SLC14A2: variants seen among roughly 807,000 people sequenced by gnomAD.
The protein encoded by SLC14A2 is solute carrier family 14 member 2.
In SLC14A2, 91 loss-of-function variants were observed where a neutral mutation model predicts 104.6. The observed-to-expected ratio is 0.87, with a 90% CI of 0.73 to 1.04. The LOEUF is 1.04. Among genes scored for constraint, SLC14A2 ranks in the 50% least tolerant of loss-of-function variants. SLC14A2 has a pLI of 0.00. For missense variants in SLC14A2, 1,189 were observed against 1,156.0 expected (o/e 1.03, Z -0.41); for synonymous variants, 476 against 466.4 (o/e 1.02, Z -0.27).
chr18:45,667,066 G>A lies in SLC14A2; in HGVS notation c.1689G>A (p.Glu563=), dbSNP rs144227422. Residue 563 remains glutamate, a synonymous_variant, in exon 13 of 20, where the codon GAG becomes GAA. Coordinates refer to ENST00000255226, the MANE Select transcript of SLC14A2 (RefSeq NM_007163.4). The stretch of plus-strand genomic sequence containing the variant: ...AAGCCCTCAGCTACATCACAGGAGA[G>A]ATGAAGGAGTGTGGAGAGGGACTTA... The part of the protein sequence containing the change: ...VSKALSYITG[E]MKECGEGLKD... 6.2e-7 allele frequency: 1 copy of A among 1,613,948 alleles called. No individual in the cohort carries two copies. Among genetic ancestry groups the A allele is most frequent in the Non-Finnish European group, 8.5e-7 (1 of 1,179,866 alleles).
intron 10 of SLC14A2, among the ~76,000 whole-genome samples, chr18:45,651,401 CGT>C (rs2045734151): frequency 6.6e-6 from 1 of 152,044 alleles, no homozygotes; most frequent in Non-Finnish European, 1.5e-5. Flanking sequence ...GAGCTGCAGC[CGT>C]GTGTGTCTGC....
intron 2 of SLC14A2, among the ~76,000 whole-genome samples, chr18:45,534,249 G>T (rs1340299168): frequency 6.6e-6 from 1 of 152,020 alleles, no homozygotes; most frequent in Non-Finnish European, 1.5e-5. Context: ...TTCCTTACAA[G>T]CCTTCACTGA....
intron 1 of SLC14A2, among the ~76,000 whole-genome samples, chr18:45,244,704 C>T (rs1051025675): frequency 6.6e-6 from 1 of 151,944 alleles, no homozygotes; most frequent in Admixed American, 6.6e-5. Context: ...TGAGGAAAGC[C>T]CAAATCAGCA....
intron 1 of SLC14A2, among the ~76,000 whole-genome samples, chr18:45,476,897 G>T (rs1333166166): frequency 5.3e-5 from 8 of 152,090 alleles, no homozygotes; most frequent in Admixed American, 6.6e-5. Context: ...TTTTTTCAAG[G>T]TTCTTGGCTT....
chr18:45,643,854 C>T (rs748107264), intron 9 of SLC14A2, 132 bp from the exon 10 acceptor site: 23 of 780,078 alleles, frequency 2.9e-5, no homozygotes, highest in Non-Finnish European at 4.6e-5. Context: ...ATTGCAAATC[C>T]AGGAATATCA....
In SLC14A2 at chr18:45,581,147, G is replaced by A. The variant is rs115260932; in HGVS notation, c.-34-43484G>A. Among the ~76,000 whole-genome samples, 691 of 152,278 alleles carry A rather than the reference G, an allele frequency of 4.5e-3. 11 individuals are homozygous for A. The highest frequency in any genetic ancestry group is 0.015 in the African/African-American group (638 of 41,566). On this transcript the variant is annotated intron_variant, in intron 2 of 20. Coordinates refer to the SLC14A2 transcript ENST00000586448. ...GGGTGGAGTGAGGGTATATGGGGAC[G>A]AAAAGAGCAGTGATTGTCTAGAGTG...
At chr18:45,591,528 G>T (rs1170784688) in intron 2 of SLC14A2, among the ~76,000 whole-genome samples, 1 of 151,992 alleles carries the variant, frequency 6.6e-6, no homozygotes, top group Non-Finnish European at 1.5e-5. Flanking sequence ...GTACAGACAG[G>T]GTTTCACCAT....
chr18:45,461,777 G>A (rs577581254), intron 1 of SLC14A2, among the ~76,000 whole-genome samples: 1 of 152,294 alleles, frequency 6.6e-6, no homozygotes, highest in Non-Finnish European at 1.5e-5. Context: ...TTTGGGTTAA[G>A]GAGAATTACT....
intron 10 of SLC14A2, among the ~76,000 whole-genome samples, chr18:45,649,948 C>T (rs1371372069): frequency 1.3e-5 from 2 of 152,222 alleles, no homozygotes; most frequent in African/African-American, 4.8e-5. Flanking sequence ...CTCATCAATC[C>T]TGCCTCTTAA....
At chr18:45,628,824 C>G (rs2045302027) in intron 4 of SLC14A2, among the ~76,000 whole-genome samples, 1 of 152,098 alleles carries the variant, frequency 6.6e-6, no homozygotes. Context: ...AAAGCTAAGT[C>G]ATAATATAAA....
intron 1 of SLC14A2, among the ~76,000 whole-genome samples, chr18:45,400,535 CTTATA>C (rs1236389691): frequency 6.6e-6 from 1 of 152,230 alleles, no homozygotes; most frequent in Non-Finnish European, 1.5e-5. Context: ...ACTTTCTCCA[CTTATA>C]TTAAAGTTAA....
chr18:45,617,190 A>G (rs1239828785), intron 1 of SLC14A2, among the ~76,000 whole-genome samples: 5 of 152,190 alleles, frequency 3.3e-5, no homozygotes, highest in Non-Finnish European at 7.3e-5. Context: ...AAAGAGGTCA[A>G]GTGGTCTGCT....
chr18:45,443,230 T>C (rs2086709198), intron 1 of SLC14A2, among the ~76,000 whole-genome samples: 1 of 152,202 alleles, frequency 6.6e-6, no homozygotes, highest in Admixed American at 6.5e-5. Context: ...AGAAGAGGCA[T>C]ATAAATGTGT....
At chr18:45,606,268 A>C (rs1016247739) in intron 2 of SLC14A2, among the ~76,000 whole-genome samples, 1 of 152,136 alleles carries the variant, frequency 6.6e-6, no homozygotes, top group South Asian at 2.1e-4. Context: ...ATGTAACACT[A>C]TCTGGTTCCT....
intron 1 of SLC14A2, among the ~76,000 whole-genome samples, chr18:45,218,727 A>T (rs551095787): frequency 6.6e-6 from 1 of 152,174 alleles, no homozygotes; most frequent in Non-Finnish European, 1.5e-5. Flanking sequence ...AGAGACATCA[A>T]ACCACTAACT....
chr18:45,428,581 C>A (rs970252014), intron 1 of SLC14A2, among the ~76,000 whole-genome samples: 1 of 152,100 alleles, frequency 6.6e-6, no homozygotes, highest in South Asian at 2.1e-4. Context: ...GTCATGGGCA[C>A]CCCCAGGGCA....
intron 1 of SLC14A2, among the ~76,000 whole-genome samples, chr18:45,327,210 C>A (rs1438085966): frequency 6.6e-6 from 1 of 151,866 alleles, no homozygotes; most frequent in Admixed American, 6.6e-5. Flanking sequence ...AGCTAGCTAT[C>A]CCACCTACTT....
At chr18:45,216,716 G>T (rs865988449) in intron 1 of SLC14A2, among the ~76,000 whole-genome samples, 14 of 152,250 alleles carry the variant, frequency 9.2e-5, no homozygotes, top group African/African-American at 3.1e-4. Context: ...TTGGACATAG[G>T]GGGGCCGAGC....
intron 2 of SLC14A2, among the ~76,000 whole-genome samples, chr18:45,537,684 G>A (rs1374161565): frequency 2.6e-5 from 4 of 152,082 alleles, no homozygotes; most frequent in African/African-American, 9.7e-5. Flanking sequence ...CATTTGGTTG[G>A]GATCATTGGC....
Sources: allele counts gnomAD v4.1 joint callset (sites outside exome capture counted in the v4.1 genomes callset), GRCh38; gene constraint gnomAD v4.1.1; transcripts MANE v1.5; gene names NCBI Gene and HGNC (gene_info 2026-07-23, HGNC 2026-07-21).